Variants in WWOX observed in about 807,000 individuals in gnomAD.
WWOX encodes WW domain containing oxidoreductase.
A neutral mutation model predicts 46.2 loss-of-function variants in WWOX; 69 were observed. The ratio of observed to expected loss-of-function variants is 1.49; its 90% CI spans 1.23 to 1.82. The LOEUF (loss-of-function observed/expected upper bound fraction) is 1.82, where lower values mean the gene tolerates loss of function less well. WWOX is among the 40% of genes most tolerant of loss of function. The probability of loss-of-function intolerance (pLI) is 0.00; values close to 1 mark genes in which losing one functional copy is unlikely to be tolerated. For synonymous variants in WWOX, 359 were observed against 202.6 expected, an observed-to-expected ratio of 1.77 and a Z score of -6.56; for missense variants, 919 against 542.6, an observed-to-expected ratio of 1.69 and a Z score of -6.89.
At chr16:78,606,630 G>C (rs1346765172) in intron 8 of WWOX, among the ~76,000 whole-genome samples, 1 of 151,290 alleles carries the variant, frequency 6.6e-6, no homozygotes, top group Non-Finnish European at 1.5e-5. Flanking sequence ...GAAAATCAGT[G>C]ACACGAAGTT....
intron 5 of WWOX, among the ~76,000 whole-genome samples, chr16:78,321,828 C>G (rs1342818127): frequency 1.3e-5 from 2 of 152,056 alleles, no homozygotes; most frequent in Non-Finnish European, 2.9e-5. Context: ...AAGAGCGACG[C>G]TTGGAGGCTG....
chr16:78,442,461 C>T (rs988337788), intron 8 of WWOX, among the ~76,000 whole-genome samples: 1 of 152,120 alleles, frequency 6.6e-6, no homozygotes, highest in Non-Finnish European at 1.5e-5. Context: ...TTCCCCACTA[C>T]CAGCCCCTCC....
chr16:78,777,652 G>C (rs776066447), intron 8 of WWOX, among the ~76,000 whole-genome samples: 1 of 152,104 alleles, frequency 6.6e-6, no homozygotes, highest in Non-Finnish European at 1.5e-5. Flanking sequence ...AGACCTCAGG[G>C]CAGACTCCCC....
At chr16:78,263,347 C>G (rs956031366) in intron 5 of WWOX, among the ~76,000 whole-genome samples, 4 of 152,208 alleles carry the variant, frequency 2.6e-5, no homozygotes, top group African/African-American at 4.8e-5. Flanking sequence ...GTCATGAGGC[C>G]ATCTCCGATT....
intron 8 of WWOX, among the ~76,000 whole-genome samples, chr16:78,566,966 C>G (rs1281660453): frequency 6.6e-6 from 1 of 152,140 alleles, no homozygotes; most frequent in Non-Finnish European, 1.5e-5. Context: ...GAAGCAACCA[C>G]CAGTGTAATC....
At chr16:78,822,391 G>C (rs2051523385) in intron 8 of WWOX, among the ~76,000 whole-genome samples, 1 of 152,156 alleles carries the variant, frequency 6.6e-6, no homozygotes, top group African/African-American at 2.4e-5. Flanking sequence ...CTACTCAAGA[G>C]GCTGAGGCAG....
intron 4 of WWOX, among the ~76,000 whole-genome samples, chr16:78,120,873 C>T (rs2033060365): frequency 6.6e-6 from 1 of 152,166 alleles, no homozygotes; most frequent in South Asian, 2.1e-4. Context: ...ATCCACACTT[C>T]CCAATTATGG....
intron 8 of WWOX, among the ~76,000 whole-genome samples, chr16:78,967,896 G>C (rs1465273892): frequency 6.6e-6 from 1 of 152,148 alleles, no homozygotes; most frequent in African/African-American, 2.4e-5. Context: ...GCTGCAGGAG[G>C]AGGAGGGAAC....
At chr16:79,084,417 T>C (rs1351209211) in intron 8 of WWOX, among the ~76,000 whole-genome samples, 1 of 152,164 alleles carries the variant, frequency 6.6e-6, no homozygotes, top group Non-Finnish European at 1.5e-5. Flanking sequence ...TAACAGCTTA[T>C]GACAAGTAAT....
At chr16:78,658,409 T>C (rs2047129809) in intron 8 of WWOX, among the ~76,000 whole-genome samples, 1 of 152,182 alleles carries the variant, frequency 6.6e-6, no homozygotes, top group Admixed American at 6.5e-5. Context: ...AATTCTGTAA[T>C]GTAGTGTAGT....
At position 79,052,783 on chromosome 16, in the gene WWOX, G is replaced by A. The variant is rs2048193240; in HGVS notation, c.1057-158825G>A. Among the ~76,000 whole-genome samples, 3 of 152,192 alleles carry A rather than the reference G, an allele frequency of 2.0e-5. No individual in the cohort carries two copies. The South Asian group carries it at 6.2e-4, about 31-fold the overall frequency. ...AGAAAGTAAAAATGGCCTTGCTGAG[G>A]AAATTAAATTCCTGTTCGAGTGCTA... On this transcript the variant is annotated intron_variant, in intron 8 of 8. Coordinates refer to ENST00000566780, the MANE Select transcript of WWOX (RefSeq NM_016373.4).
At chr16:78,456,418 TA>T (rs2083817062) in intron 8 of WWOX, among the ~76,000 whole-genome samples, 1 of 148,470 alleles carries the variant, frequency 6.7e-6, no homozygotes, top group African/African-American at 2.6e-5. Flanking sequence ...CATGTGTGCA[TA>T]AACAAAGCAA....
intron 8 of WWOX, among the ~76,000 whole-genome samples, chr16:79,027,362 G>T (rs924531254): frequency 4.6e-5 from 7 of 150,874 alleles, no homozygotes; most frequent in Non-Finnish European, 5.9e-5. Context: ...ATTGCAAAAT[G>T]AAAATTCTTC....
intron 8 of WWOX, among the ~76,000 whole-genome samples, chr16:78,687,235 G>A (rs1023588436): frequency 6.6e-6 from 1 of 152,132 alleles, no homozygotes; most frequent in African/African-American, 2.4e-5. Context: ...GTTGCTTTAA[G>A]TAGATATTGG....
chr16:78,478,017 A>AAAAGCAATT (rs2084393507), intron 8 of WWOX, among the ~76,000 whole-genome samples: 1 of 152,194 alleles, frequency 6.6e-6, no homozygotes, highest in African/African-American at 2.4e-5. Context: ...AACATTTGTT[A>AAAAGCAATT]TTTTAAAAGC....
chr16:78,560,054 T>C (rs140099942), intron 8 of WWOX, among the ~76,000 whole-genome samples: 2 of 152,224 alleles, frequency 1.3e-5, no homozygotes, highest in Non-Finnish European at 2.9e-5. Context: ...TAGTGTACTT[T>C]TGGTTGTTAG....
chr16:78,682,144 ATT>A, intron 8 of WWOX, among the ~76,000 whole-genome samples: 1 of 152,154 alleles, frequency 6.6e-6, no homozygotes. Flanking sequence ...TGTTACTGTT[ATT>A]TTATTTTTAC....
intron 8 of WWOX, among the ~76,000 whole-genome samples, chr16:79,092,071 G>A (rs1305068644): frequency 2.0e-5 from 3 of 151,998 alleles, no homozygotes; most frequent in East Asian, 3.9e-4. Flanking sequence ...GTGAGCCACC[G>A]CACCGGGCCT....
At chr16:78,593,149 C>A (rs538119945) in intron 8 of WWOX, among the ~76,000 whole-genome samples, 1 of 152,190 alleles carries the variant, frequency 6.6e-6, no homozygotes, top group Non-Finnish European at 1.5e-5. Context: ...TTGCCCTCCC[C>A]ACCCTACCTT....
Sources: gnomAD v4.1 joint callset for allele counts (sites outside exome capture counted in the v4.1 genomes callset) on GRCh38, gnomAD v4.1.1 for gene constraint, MANE v1.5 for transcripts, NCBI Gene and HGNC (gene_info 2026-07-23, HGNC 2026-07-21) for gene names.